The following RAD51B variants were observed in gnomAD, a reference collection of about 807,000 sequenced individuals.
RAD51B encodes the protein RAD51 paralog B, also known as DNA repair protein RAD51 homolog 2.
RAD51B carries 38 observed loss-of-function variants against 42.2 expected under a neutral mutation model. The observed-to-expected ratio is 0.90, with a 90% confidence interval of 0.70 to 1.18. RAD51B has a LOEUF of 1.18. Ranked by LOEUF, RAD51B falls within the 50% of genes most tolerant of loss-of-function variation. The pLI is 0.00. For synonymous variants in RAD51B, 154 were observed against 145.2 expected, an observed-to-expected ratio of 1.06 and a Z score of -0.43; for missense variants, 373 against 400.7, an observed-to-expected ratio of 0.93 and a Z score of 0.59.
At chr14:67,944,201 AT>A (rs370785745) in intron 7 of RAD51B, among the ~76,000 whole-genome samples, 31,678 of 130,060 alleles carry the variant, frequency 0.24, 3,987 homozygotes, top group African/African-American at 0.4. Context: ...AGAAGTAAAG[AT>A]TTTTTTTTTT....
intron 10 of RAD51B, among the ~76,000 whole-genome samples, chr14:68,648,020 T>TATATATATATATATAC (rs1345937039): frequency 2.2e-5 from 2 of 91,204 alleles, no homozygotes; most frequent in African/African-American, 8.9e-5. Context: ...TATATATATA[T>TATATATATATATATAC]ACGTATATAT....
chr14:68,187,890 C>G (rs1477645571), intron 7 of RAD51B, among the ~76,000 whole-genome samples: 1 of 152,188 alleles, frequency 6.6e-6, no homozygotes, highest in East Asian at 1.9e-4. Context: ...TCTCGGCTCA[C>G]TGCAACCTCC....
intron 7 of RAD51B, among the ~76,000 whole-genome samples, chr14:68,196,986 A>T (rs1442646175): frequency 6.6e-6 from 1 of 152,206 alleles, no homozygotes; most frequent in East Asian, 1.9e-4. Flanking sequence ...TCCTATAAAC[A>T]ATGGCTTCTT....
chr14:68,306,850 G>C (rs1314243001), intron 8 of RAD51B, among the ~76,000 whole-genome samples: 1 of 152,186 alleles, frequency 6.6e-6, no homozygotes, highest in Non-Finnish European at 1.5e-5. Context: ...CAGGCAATGG[G>C]TTGTGCCATC....
At chr14:68,180,795 C>T (rs1483805706) in intron 7 of RAD51B, among the ~76,000 whole-genome samples, 1 of 152,148 alleles carries the variant, frequency 6.6e-6, no homozygotes, top group African/African-American at 2.4e-5. Flanking sequence ...TCAAGATGTA[C>T]AGGACAGAGT....
At chr14:68,205,424 T>C (rs998928680) in intron 7 of RAD51B, among the ~76,000 whole-genome samples, 4 of 152,038 alleles carry the variant, frequency 2.6e-5, no homozygotes, top group Admixed American at 2.0e-4. Flanking sequence ...GAAGGATGAA[T>C]GGGCAGTATG....
At chr14:67,998,251 G>A (rs1219144855) in intron 7 of RAD51B, among the ~76,000 whole-genome samples, 2 of 152,100 alleles carry the variant, frequency 1.3e-5, no homozygotes, top group Non-Finnish European at 2.9e-5. Context: ...GGGTCTTTGA[G>A]GCTGAAGCAA....
At chr14:68,412,535 C>A (rs1409916472) in intron 9 of RAD51B, among the ~76,000 whole-genome samples, 1 of 152,166 alleles carries the variant, frequency 6.6e-6, no homozygotes, top group Non-Finnish European at 1.5e-5. Flanking sequence ...CAAAAACAGG[C>A]GTGAGCTATT....
intron 7 of RAD51B, among the ~76,000 whole-genome samples, chr14:68,039,259 T>C (rs1478879317): frequency 1.3e-5 from 2 of 151,956 alleles, no homozygotes; most frequent in Non-Finnish European, 2.9e-5. Context: ...TGAAACCCCA[T>C]CTGTACTAAA....
intron 7 of RAD51B, among the ~76,000 whole-genome samples, chr14:67,974,620 A>C (rs1165025020): frequency 6.6e-6 from 1 of 152,090 alleles, no homozygotes; most frequent in African/African-American, 2.4e-5. Context: ...AAACAAGTGA[A>C]ATTTTTGTTT....
Position 68,334,589 on chromosome 14 carries a change from C to T in RAD51B, c.853+42609C>T, listed in dbSNP as rs550723513. Among the ~76,000 whole-genome samples the T allele has an allele frequency of 3.3e-5, 5 of 152,120 alleles. No homozygotes were observed. The South Asian group carries it at 8.3e-4, about 25-fold the overall frequency. ...TGTAAGTGGACCTTGCAGTTCAAAC[C>T]TGTGTTGTTCAAGCATCAGCTGTGT... is the stretch of plus-strand genomic sequence containing the variant. On this transcript the variant is annotated intron_variant, in intron 8 of 10. Coordinates refer to ENST00000471583, the MANE Select transcript of RAD51B (RefSeq NM_133510.4).
At chr14:67,915,961 G>T (rs1295578725) in intron 7 of RAD51B, among the ~76,000 whole-genome samples, 1 of 152,156 alleles carries the variant, frequency 6.6e-6, no homozygotes, top group Non-Finnish European at 1.5e-5. Flanking sequence ...AATAGCACAT[G>T]TTTAAAGTAC....
At position 68,525,808 on chromosome 14, in the gene RAD51B, C is replaced by T. The variant is rs112032298; in HGVS notation, c.1036+57558C>T. On this transcript the variant is annotated intron_variant, in intron 10 of 10. Coordinates refer to the RAD51B transcript ENST00000487270. ...AGCCAGCCACAACTTCAATGAGCTC[C>T]GGCATATGGAATTAGCATGATAGAA... Among the ~76,000 whole-genome samples the T allele has an allele frequency of 5.3e-3, 801 of 152,252 alleles. 11 individuals are homozygous for T. The highest frequency in any genetic ancestry group is 0.019 in the African/African-American group (777 of 41,524).
At chr14:68,170,136 A>C (rs1418928724) in intron 7 of RAD51B, among the ~76,000 whole-genome samples, 2 of 151,958 alleles carry the variant, frequency 1.3e-5, no homozygotes, top group African/African-American at 4.8e-5. Flanking sequence ...GGAGTGATTC[A>C]CTCTCCAGTG....
intron 4 of RAD51B, among the ~76,000 whole-genome samples, chr14:67,860,118 G>A (rs559710827): frequency 1.1e-4 from 17 of 152,172 alleles, no homozygotes; most frequent in African/African-American, 3.6e-4. Context: ...CACCGCACCC[G>A]GCCTTAAATG....
chr14:68,058,126 AT>A (rs574004535), intron 7 of RAD51B, among the ~76,000 whole-genome samples: 52 of 152,114 alleles, frequency 3.4e-4, no homozygotes, highest in African/African-American at 1.2e-3. Context: ...ATGATACTCA[AT>A]TTTATCTTTA....
intron 7 of RAD51B, among the ~76,000 whole-genome samples, chr14:67,906,488 A>G (rs1019279271): frequency 3.9e-5 from 6 of 151,946 alleles, no homozygotes; most frequent in African/African-American, 1.2e-4. Context: ...ATTTTTTTAC[A>G]TCAGGTGGGC....
chr14:68,036,207 C>T (rs941747701), intron 7 of RAD51B, among the ~76,000 whole-genome samples: 1 of 152,180 alleles, frequency 6.6e-6, no homozygotes, highest in African/African-American at 2.4e-5. Flanking sequence ...GGTTATGTGT[C>T]TCCATCTTTA....
At chr14:68,231,771 A>G (rs1471354317) in intron 7 of RAD51B, among the ~76,000 whole-genome samples, 1 of 152,120 alleles carries the variant, frequency 6.6e-6, no homozygotes, top group Non-Finnish European at 1.5e-5. Context: ...GCCTAACCCT[A>G]TTTCTTTACT....
Sources: gnomAD v4.1 joint callset for allele counts (sites outside exome capture counted in the v4.1 genomes callset) on GRCh38, gnomAD v4.1.1 for gene constraint, MANE v1.5 for transcripts, NCBI Gene and HGNC (gene_info 2026-07-23, HGNC 2026-07-21) for gene names.